The following AGL variants were observed in gnomAD, a reference collection of about 807,000 sequenced individuals.
AGL encodes glycogen debranching enzyme.
Under a neutral mutation model 199.3 loss-of-function variants are expected in AGL, and 128 were observed. That is an observed-to-expected ratio of 0.64 (90% CI 0.56 to 0.74). The LOEUF is 0.74. Ranked by LOEUF, AGL falls within the 30% of genes least tolerant of loss-of-function variation. AGL has a pLI of 0.00. For synonymous variants in AGL, 584 were observed against 594.7 expected (o/e 0.98, Z 0.26); for missense variants, 1,809 against 1,820.8 (o/e 0.99, Z 0.12).
Position 99,917,495 on chromosome 1 carries a change from G to A in AGL, c.4481+764G>A, listed in dbSNP as rs188514970. ...TCTTGTACATAGTAGCATGTAATCG[G>A]GCCTTGCTCTCGTGTAGCACAACAG... On this transcript the variant is annotated intron_variant, in intron 33 of 33. Coordinates refer to ENST00000361915, the MANE Select transcript of AGL (RefSeq NM_000642.3). 9.2e-5 allele frequency among the ~76,000 whole-genome samples: 14 copies of A among 152,162 alleles called. No homozygotes were observed. The East Asian group carries it at 2.7e-3, about 29-fold the overall frequency.
intron 33 of AGL, among the ~76,000 whole-genome samples, chr1:99,918,168 CAAAGTT>C (rs1655271252): frequency 6.6e-6 from 1 of 152,094 alleles, no homozygotes; most frequent in African/African-American, 2.4e-5. Context: ...GTATAGAATT[CAAAGTT>C]AAGCTTTTTT....
chr1:99,874,744 CT>C lies in AGL; in HGVS notation c.1017del (p.Glu340AsnfsTer9). The C allele has an allele frequency of 6.2e-7, 1 of 1,613,072 alleles. No homozygotes were observed. The highest frequency in any genetic ancestry group is 2.2e-5 in the East Asian group (1 of 44,850). The stretch of plus-strand genomic sequence containing the variant: ...CAACACCTTACGATTATTCAAGATC[CT>C]GAATACAGACGGTTTGGCTGTACTG... Reference protein sequence around the residue: ...PNQHLTIIQDPEYRRFGCTVD... With the variant: ...PNQHLTIIQDXEYRRFGCTVD... On this transcript the variant is annotated frameshift_variant, in exon 8 of 34. Transcript: ENST00000361915. LOFTEE classifies it high-confidence loss of function.
Position 99,851,096 on chromosome 1 carries a change from G to A in AGL, c.54G>A (p.Leu18=). Residue 18 remains leucine (L), a synonymous_variant, in exon 2 of 34, where the codon CTG becomes CTA. Coordinates refer to ENST00000361915, the MANE Select transcript of AGL (RefSeq NM_000642.3). ...RILLLNEMEK[L]EKTLFRLEQG... The stretch of plus-strand genomic sequence containing the variant: ...TACTTCTGAACGAAATGGAGAAACT[G>A]GAAAAGACCCTCTTCAGACTTGAAC... 6.2e-7 allele frequency: 1 copy of A among 1,614,048 alleles called. No homozygotes were observed. Among genetic ancestry groups the A allele is most frequent in the Non-Finnish European group, 8.5e-7 (1 of 1,179,954 alleles).
chr1:99,922,907 A>AG lies in AGL; in HGVS notation c.*1258dup, dbSNP rs1557799824. 6.6e-6 allele frequency: 1 copy of AG among 152,078 alleles called. No individual in the cohort carries two copies. The highest frequency in any genetic ancestry group is 1.5e-5 in the Non-Finnish European group (1 of 67,942). The allele number at this position is 152,078 out of a possible 1,614,324, so 9.4% of individuals were successfully genotyped here. ...AGTAGCATTTTTTTAGTTAGTTTAC[A>AG]GGTTACATACCCAAAACCTTAACTA... On this transcript the variant is annotated 3_prime_UTR_variant, in exon 34 of 34. Transcript: ENST00000361915.
intron 27 of AGL, among the ~76,000 whole-genome samples, chr1:99,905,857 A>G (rs527968278): frequency 6.6e-6 from 1 of 152,318 alleles, no homozygotes; most frequent in African/African-American, 2.4e-5. Flanking sequence ...CTGGGATTAC[A>G]GGGATGAGCC....
At chr1:99,871,913 A>G (rs999206917) in intron 7 of AGL, among the ~76,000 whole-genome samples, 2 of 151,996 alleles carry the variant, frequency 1.3e-5, no homozygotes, top group Non-Finnish European at 2.9e-5. Flanking sequence ...TGTTTCTTGT[A>G]CTTAAGACTC....
intron 3 of AGL, 129 bp from the exon 4 acceptor site, chr1:99,862,128 T>C (rs1367228203): frequency 2.0e-6 from 2 of 1,010,260 alleles, no homozygotes; most frequent in African/African-American, 3.2e-5. Context: ...TTTAAAATGA[T>C]TTTATGTGCT....
At chr1:99,875,528 T>A in intron 10 of AGL, 73 bp downstream of exon 10, 1 of 1,296,260 alleles carries the variant, frequency 7.7e-7, no homozygotes, top group Non-Finnish European at 1.1e-6. Flanking sequence ...GAAATTAACC[T>A]AAATGTTTTC....
chr1:99,850,233 G>C (rs1413433497), upstream of AGL: 1 of 152,466 alleles, frequency 6.6e-6, no homozygotes, highest in Non-Finnish European at 1.5e-5. Flanking sequence ...GCGCTGCCCC[G>C]GTCGCTCGCC....
At chr1:99,883,563 A>G (rs1399813557) in intron 17 of AGL, among the ~76,000 whole-genome samples, 2 of 152,190 alleles carry the variant, frequency 1.3e-5, no homozygotes, top group East Asian at 3.8e-4. Flanking sequence ...ACCACTAAAA[A>G]GCAAGTTGCA....
intron 2 of AGL, among the ~76,000 whole-genome samples, chr1:99,857,849 G>GCCGT (rs1649687934): frequency 7.5e-6 from 1 of 133,106 alleles, no homozygotes; most frequent in Admixed American, 7.5e-5. Flanking sequence ...GGAGGGGGAG[G>GCCGT]GGGGAAGAGG....
rs1168287000 is a variant in AGL at position 99,913,553 on chromosome 1, G to A, written c.3976G>A (p.Glu1326Lys). The A allele has an allele frequency of 3.1e-6, 5 of 1,613,690 alleles. No individual in the cohort carries two copies. Among genetic ancestry groups the A allele is most frequent in the East Asian group, 2.2e-5 (1 of 44,860 alleles). Residue 1326 changes from glutamate to lysine, a missense_variant, in exon 30 of 34, where the codon GAG (glutamate) becomes AAG (lysine). Physicochemically the swap from Glu to Lys is moderately conservative, Grantham distance 56. Coordinates refer to ENST00000361915, the MANE Select transcript of AGL (RefSeq NM_000642.3). ...HGKAIKVSYD[E>K]WNRKIQDNFE... ...AAAGGCTATAAAGGTCTCATATGAT[G>A]AGTGGAACAGAAAAATACAAGACAA... is the stretch of plus-strand genomic sequence containing the variant.
chr1:99,908,455 A>G (rs1447192354), intron 27 of AGL, among the ~76,000 whole-genome samples: 1 of 152,156 alleles, frequency 6.6e-6, no homozygotes, highest in South Asian at 2.1e-4. Flanking sequence ...TGAGTCTTCT[A>G]ACTTTGTTCT....
chr1:99,909,459 AG>A (rs1186090094), intron 27 of AGL, among the ~76,000 whole-genome samples: 1 of 152,142 alleles, frequency 6.6e-6, no homozygotes, highest in African/African-American at 2.4e-5. Context: ...CCAGGGAGAA[AG>A]GACATCCATG....
At chr1:99,849,758 A>G (rs1246997331), upstream of AGL, among the ~76,000 whole-genome samples, 2 of 152,254 alleles carry the variant, frequency 1.3e-5, no homozygotes, top group African/African-American at 2.4e-5. Context: ...ATCAAAACAA[A>G]GAAACAAAAC....
At chr1:99,902,941 T>C (rs1222474474) in intron 27 of AGL, 147 bp downstream of exon 27, 4 of 644,702 alleles carry the variant, frequency 6.2e-6, no homozygotes, top group East Asian at 6.0e-5. Context: ...ACCAAGTTTT[T>C]AGTTTCTAGC....
chr1:99,861,241 T>C, intron 2 of AGL: 1 of 1,318,172 alleles, frequency 7.6e-7, no homozygotes, highest in East Asian at 3.4e-5. Flanking sequence ...CAAGTTGCTA[T>C]GTGAATAGGA....
At chr1:99,866,001 C>CT (rs1650475992) in intron 5 of AGL, among the ~76,000 whole-genome samples, 2 of 152,106 alleles carry the variant, frequency 1.3e-5, no homozygotes, top group Non-Finnish European at 2.9e-5. Context: ...GGTGCTGTGG[C>CT]TTGCACCTGT....
At chr1:99,902,056 C>T (rs986499622) in intron 26 of AGL, among the ~76,000 whole-genome samples, 8 of 151,920 alleles carry the variant, frequency 5.3e-5, no homozygotes, top group Non-Finnish European at 1.2e-4. Context: ...TGGTTATATT[C>T]AGAGTCTTTA....
Sources: gnomAD v4.1 joint callset for allele counts (sites outside exome capture counted in the v4.1 genomes callset) on GRCh38, gnomAD v4.1.1 for gene constraint, MANE v1.5 for transcripts, NCBI Gene and HGNC (gene_info 2026-07-23, HGNC 2026-07-21) for gene names.